The following MTPN variants were observed in gnomAD, a reference collection of about 807,000 sequenced individuals.
The protein encoded by MTPN is myotrophin, also known as granule cell differentiation protein.
MTPN carries 2 observed loss-of-function variants against 13.5 expected under a neutral mutation model. That is an observed-to-expected ratio of 0.15 (90% CI 0.06 to 0.47). The LOEUF is 0.47. Ranked by LOEUF, MTPN falls within the 20% of genes least tolerant of loss-of-function variation. The probability of loss-of-function intolerance (pLI) is 0.97; values close to 1 mark genes in which losing one functional copy is unlikely to be tolerated. For synonymous variants in MTPN, 46 were observed against 51.7 expected (o/e 0.89, Z 0.48); for missense variants, 79 against 137.9 (o/e 0.57, Z 2.14).
chr7:135,956,649 T>G (rs1343449949), intron 1 of MTPN, among the ~76,000 whole-genome samples: 2 of 152,220 alleles, frequency 1.3e-5, no homozygotes. Context: ...CCTCTCATCC[T>G]ATCAAAAGCC....
At chr7:135,944,451 G>A (rs1038443863) in intron 3 of MTPN, among the ~76,000 whole-genome samples, 4 of 152,048 alleles carry the variant, frequency 2.6e-5, no homozygotes, top group Non-Finnish European at 5.9e-5. Context: ...CGAGGCAGGC[G>A]GATCACCTGA....
chr7:135,954,738 C>T (rs780256067), intron 1 of MTPN, among the ~76,000 whole-genome samples: 5 of 152,070 alleles, frequency 3.3e-5, no homozygotes, highest in African/African-American at 7.2e-5. Flanking sequence ...GTCAGGAGAT[C>T]GAGACCATCC....
intron 1 of MTPN, among the ~76,000 whole-genome samples, chr7:135,974,640 AGG>A (rs1445115115): frequency 6.6e-6 from 1 of 152,222 alleles, no homozygotes; most frequent in African/African-American, 2.4e-5. Context: ...AGGAATGTTG[AGG>A]AGAGTTTTTA....
chr7:135,927,779 A>C lies in MTPN; in HGVS notation c.*2147T>G, dbSNP rs1411622264. On this transcript the variant is annotated 3_prime_UTR_variant, in exon 4 of 4. Coordinates refer to ENST00000393085, the MANE Select transcript of MTPN (RefSeq NM_145808.4). The stretch of plus-strand genomic sequence containing the variant: ...GTCGAGAAAGAAAAGCGAAGGCGAA[A>C]TAGCCTCTACTGCATTACAAGCAAC... 2.2e-6 allele frequency: 1 copy of C among 459,930 alleles called. No individual in the cohort carries two copies. The highest frequency in any genetic ancestry group is 4.4e-6 in the Non-Finnish European group (1 of 225,826). 28.5% of individuals were successfully genotyped at this position (459,930 alleles called of 1,614,324 possible). A position where few individuals can be genotyped will look rare whatever the true frequency, so the allele number is the denominator to read the frequency against.
At chr7:135,954,857 G>C (rs1299227238) in intron 1 of MTPN, among the ~76,000 whole-genome samples, 1 of 152,146 alleles carries the variant, frequency 6.6e-6, no homozygotes, top group Non-Finnish European at 1.5e-5. Context: ...GCAGGACAAT[G>C]GCATGAACCT....
intron 1 of MTPN, among the ~76,000 whole-genome samples, chr7:135,974,967 G>C (rs1487730546): frequency 6.6e-6 from 1 of 152,120 alleles, no homozygotes; most frequent in Non-Finnish European, 1.5e-5. Flanking sequence ...AACTAAGAAA[G>C]GATAAAGCTC....
intron 1 of MTPN, among the ~76,000 whole-genome samples, chr7:135,972,231 G>GCGCGCA (rs779296906): frequency 8.0e-6 from 1 of 124,700 alleles, no homozygotes. Flanking sequence ...GCACGCGCGC[G>GCGCGCA]CACACACACA....
At chr7:135,954,759 G>A (rs564216044) in intron 1 of MTPN, among the ~76,000 whole-genome samples, 3 of 152,212 alleles carry the variant, frequency 2.0e-5, no homozygotes, top group African/African-American at 4.8e-5. Context: ...TTGCTAACAC[G>A]GTGAAACCCC....
Position 135,927,181 on chromosome 7 carries a change from T to C in MTPN, c.*2745A>G, listed in dbSNP as rs1420515527. 17 of 940,316 alleles carry C rather than the reference T, an allele frequency of 1.8e-5. No homozygotes were observed. The East Asian group carries it at 4.7e-4, about 26-fold the overall frequency. The allele number at this position is 940,316 out of a possible 1,614,324, so 58.2% of individuals were successfully genotyped here. A position where few individuals can be genotyped will look rare whatever the true frequency, so the allele number is the denominator to read the frequency against. ...TACATACAGATTTAAAATCCAGTAC[T>C]TGGGAAAAGATATCAATGAATAAAA... is the stretch of plus-strand genomic sequence containing the variant. On this transcript the variant is annotated 3_prime_UTR_variant, in exon 4 of 4. Coordinates refer to ENST00000393085, the MANE Select transcript of MTPN (RefSeq NM_145808.4).
chr7:135,958,719 C>G (rs1471073640), intron 1 of MTPN, among the ~76,000 whole-genome samples: 1 of 152,166 alleles, frequency 6.6e-6, no homozygotes, highest in Non-Finnish European at 1.5e-5. Context: ...GTAACTACAA[C>G]TAATTATTTT....
rs577256511 is a variant in MTPN at position 135,928,329 on chromosome 7, C to A, written c.*1597G>T. On this transcript the variant is annotated 3_prime_UTR_variant, in exon 4 of 4. Transcript: ENST00000393085. ...ACCCACACACACCTATACACCCACA[C>A]ACCCACATGCCAACCAACCAACCAA... is the stretch of plus-strand genomic sequence containing the variant. 2 of 167,208 alleles carry A rather than the reference C, an allele frequency of 1.2e-5. No homozygotes were observed. The highest frequency in any genetic ancestry group is 4.1e-4 in the South Asian group (2 of 4,824). 10.4% of individuals were successfully genotyped at this position (167,208 alleles called of 1,614,324 possible). A position where few individuals can be genotyped will look rare whatever the true frequency, so the allele number is the denominator to read the frequency against.
chr7:135,951,368 T>A, intron 2 of MTPN, 149 bp downstream of exon 2: 1 of 447,534 alleles, frequency 2.2e-6, no homozygotes. Flanking sequence ...ACTGTATATC[T>A]AAGTTATAGG....
At position 135,977,301 on chromosome 7, in the gene MTPN, C is replaced by T. The variant is rs1256413455; in HGVS notation, c.-201G>A. 3 of 605,778 alleles carry T rather than the reference C, an allele frequency of 5.0e-6. No homozygotes were observed. Among genetic ancestry groups the T allele is most frequent in the Non-Finnish European group, 8.8e-6 (3 of 339,378 alleles). 37.5% of individuals were successfully genotyped at this position (605,778 alleles called of 1,614,324 possible). A position where few individuals can be genotyped will look rare whatever the true frequency, so the allele number is the denominator to read the frequency against. On this transcript the variant is annotated 5_prime_UTR_variant, in exon 1 of 4. Coordinates refer to ENST00000393085, the MANE Select transcript of MTPN (RefSeq NM_145808.4). ...CGGGAGAAAGAAAGTTCTTTTGCGG[C>T]CACCGGGCCCAGCAGAGAGGTTCCG...
intron 3 of MTPN, among the ~76,000 whole-genome samples, chr7:135,946,171 T>C (rs1799284905): frequency 6.6e-6 from 1 of 152,254 alleles, no homozygotes; most frequent in South Asian, 2.1e-4. Flanking sequence ...TATGATTTCA[T>C]GTTTAGCCCC....
intron 3 of MTPN, among the ~76,000 whole-genome samples, chr7:135,934,762 A>G (rs1254699051): frequency 2.0e-5 from 3 of 152,198 alleles, no homozygotes; most frequent in African/African-American, 7.2e-5. Flanking sequence ...CTCTCAAGAC[A>G]GTATTATCTC....
At chr7:135,961,835 T>C (rs1190020645) in intron 1 of MTPN, among the ~76,000 whole-genome samples, 1 of 151,834 alleles carries the variant, frequency 6.6e-6, no homozygotes, top group Non-Finnish European at 1.5e-5. Context: ...CTAGGAAGAG[T>C]AATCTTGGTA....
chr7:135,947,488 A>C (rs1323188269), intron 3 of MTPN, among the ~76,000 whole-genome samples: 1 of 152,168 alleles, frequency 6.6e-6, no homozygotes, highest in African/African-American at 2.4e-5. Context: ...AAAAGAGAAC[A>C]CCACAGAATG....
chr7:135,946,889 C>T (rs1442524737), intron 3 of MTPN, among the ~76,000 whole-genome samples: 1 of 152,154 alleles, frequency 6.6e-6, no homozygotes, highest in East Asian at 1.9e-4. Context: ...CTGTCTCATA[C>T]ACTCACATCA....
At chr7:135,974,039 TAATC>T (rs1199668948) in intron 1 of MTPN, among the ~76,000 whole-genome samples, 1 of 152,172 alleles carries the variant, frequency 6.6e-6, no homozygotes, top group Non-Finnish European at 1.5e-5. Flanking sequence ...TTTCTCTAAA[TAATC>T]TAAATTTTTC....
Sources: gnomAD v4.1 joint callset for allele counts (sites outside exome capture counted in the v4.1 genomes callset) on GRCh38, gnomAD v4.1.1 for gene constraint, MANE v1.5 for transcripts, NCBI Gene and HGNC (gene_info 2026-07-23, HGNC 2026-07-21) for gene names.